The following RPH3A variants were observed in gnomAD, a reference collection of about 807,000 sequenced individuals.
The protein encoded by RPH3A is rabphilin 3A.
RPH3A carries 48 observed loss-of-function variants against 102.2 expected under a neutral mutation model. That is an observed-to-expected ratio of 0.47 (90% CI 0.37 to 0.60). The LOEUF (loss-of-function observed/expected upper bound fraction) is 0.60. Among genes scored for constraint, RPH3A ranks in the 20% least tolerant of loss-of-function variants. RPH3A has a pLI of 0.00. For synonymous variants in RPH3A, 310 were observed against 324.3 expected (o/e 0.96, Z 0.47); for missense variants, 781 against 910.1 (o/e 0.86, Z 1.83).
At chr12:112,863,328 G>T (rs2042553254) in intron 5 of RPH3A, among the ~76,000 whole-genome samples, 1 of 152,092 alleles carries the variant, frequency 6.6e-6, no homozygotes, top group African/African-American at 2.4e-5. Context: ...TTTTGTTGTT[G>T]TTTTTTTGAG....
At chr12:112,895,423 A>G (rs567599304) in intron 20 of RPH3A, 1 of 193,414 alleles carries the variant, frequency 5.2e-6, no homozygotes, top group Admixed American at 5.3e-5. Context: ...TTTTATTCCT[A>G]AGCAATAAAA....
intron 10 of RPH3A, among the ~76,000 whole-genome samples, chr12:112,870,341 A>G (rs1162533384): frequency 2.0e-5 from 3 of 151,624 alleles, no homozygotes; most frequent in African/African-American, 4.9e-5. Flanking sequence ...CCTGGGGGAA[A>G]AATGCCCCTA....
intron 1 of RPH3A, among the ~76,000 whole-genome samples, chr12:112,593,189 A>T (rs2039491540): frequency 6.6e-6 from 1 of 152,190 alleles, no homozygotes; most frequent in Non-Finnish European, 1.5e-5. Context: ...CAACGAGAAG[A>T]CAGTCATCTG....
At chr12:112,715,461 G>A (rs1021871610) in intron 1 of RPH3A, among the ~76,000 whole-genome samples, 3 of 152,084 alleles carry the variant, frequency 2.0e-5, no homozygotes, top group East Asian at 1.9e-4. Flanking sequence ...CATAAGAGCC[G>A]GGACTCTCAC....
At chr12:112,711,001 T>C (rs1416746112) in intron 1 of RPH3A, among the ~76,000 whole-genome samples, 1 of 152,058 alleles carries the variant, frequency 6.6e-6, no homozygotes, top group Non-Finnish European at 1.5e-5. Flanking sequence ...GAATGTTATC[T>C]CCAGTTCAGA....
At position 112,752,977 on chromosome 12, in the gene RPH3A, T is replaced by C. The variant is rs866359050; in HGVS notation, c.-139-39166T>C. 4.4e-4 allele frequency among the ~76,000 whole-genome samples: 66 copies of C among 150,450 alleles called. No individual in the cohort carries two copies. In the South Asian group the frequency reaches 0.011, roughly 26 times the overall value. The stretch of plus-strand genomic sequence containing the variant: ...GGTGGTGTCCAGTTTTCTTTTTTTT[T>C]TTTTTTTTTTTGCTGTTGTAAACAG... On this transcript the variant is annotated intron_variant, in intron 1 of 21. Transcript: ENST00000543106.
At chr12:112,799,879 A>G (rs111395551) in intron 2 of RPH3A, among the ~76,000 whole-genome samples, 7,288 of 152,262 alleles carry the variant, frequency 0.048, 592 homozygotes, top group African/African-American at 0.17. Flanking sequence ...ATGGAGCCTA[A>G]GAATTTGCAC....
At chr12:112,696,519 G>A (rs779110446) in intron 1 of RPH3A, among the ~76,000 whole-genome samples, 20 of 152,218 alleles carry the variant, frequency 1.3e-4, no homozygotes, top group Non-Finnish European at 2.8e-4. Flanking sequence ...GGGACCTCTG[G>A]TGGGCCTGAC....
At chr12:112,822,299 C>T (rs2041795073) in intron 2 of RPH3A, among the ~76,000 whole-genome samples, 1 of 152,246 alleles carries the variant, frequency 6.6e-6, no homozygotes, top group Non-Finnish European at 1.5e-5. Context: ...TTGAACTCCA[C>T]GCAGACAGCT....
chr12:112,841,677 TC>T (rs2042147134), intron 4 of RPH3A, among the ~76,000 whole-genome samples: 1 of 151,562 alleles, frequency 6.6e-6, no homozygotes, highest in Admixed American at 6.6e-5. Flanking sequence ...TTGATCTGAA[TC>T]TAAAGCTTGA....
chr12:112,823,378 A>G (rs749273958), intron 2 of RPH3A, among the ~76,000 whole-genome samples: 4 of 152,218 alleles, frequency 2.6e-5, no homozygotes, highest in Non-Finnish European at 5.9e-5. Context: ...TACCTGTAAA[A>G]TGAGGATAAT....
intron 5 of RPH3A, among the ~76,000 whole-genome samples, chr12:112,850,101 C>CAGT (rs1463652696): frequency 2.0e-5 from 3 of 152,164 alleles, no homozygotes; most frequent in Non-Finnish European, 2.9e-5. Context: ...TGGGGTTGCA[C>CAGT]AGTCAGGGAG....
At chr12:112,631,811 A>G (rs191618207) in intron 1 of RPH3A, among the ~76,000 whole-genome samples, 1 of 152,322 alleles carries the variant, frequency 6.6e-6, no homozygotes, top group Non-Finnish European at 1.5e-5. Context: ...GGCATGAGCC[A>G]CTACCCCTGG....
intron 16 of RPH3A, among the ~76,000 whole-genome samples, chr12:112,887,555 G>T (rs564598688): frequency 6.6e-6 from 1 of 152,320 alleles, no homozygotes; most frequent in East Asian, 1.9e-4. Flanking sequence ...AATTACATGG[G>T]TATATACAAA....
intron 1 of RPH3A, among the ~76,000 whole-genome samples, chr12:112,771,732 C>T (rs975475062): frequency 2.0e-5 from 3 of 152,138 alleles, no homozygotes; most frequent in South Asian, 2.1e-4. Flanking sequence ...AATGTGTTAT[C>T]GCATTTCTAA....
chr12:112,704,043 CA>C (rs1385082501), intron 1 of RPH3A, among the ~76,000 whole-genome samples: 27 of 152,016 alleles, frequency 1.8e-4, no homozygotes, highest in Non-Finnish European at 3.4e-4. Flanking sequence ...TGCAGTGAGA[CA>C]CCCCTCTTTT....
At chr12:112,846,950 A>C (rs1374427484) in intron 4 of RPH3A, among the ~76,000 whole-genome samples, 1 of 152,164 alleles carries the variant, frequency 6.6e-6, no homozygotes, top group Admixed American at 6.5e-5. Flanking sequence ...TCCTTGAGCA[A>C]GTGCTCTAAT....
intron 1 of RPH3A, among the ~76,000 whole-genome samples, chr12:112,754,930 T>A (rs1325169092): frequency 6.6e-6 from 1 of 152,224 alleles, no homozygotes; most frequent in Non-Finnish European, 1.5e-5. Flanking sequence ...CTGACATCAG[T>A]ATTTTTTAAA....
chr12:112,755,308 C>T (rs912260066), intron 1 of RPH3A, among the ~76,000 whole-genome samples: 54 of 131,012 alleles, frequency 4.1e-4, no homozygotes, highest in African/African-American at 1.1e-3. Context: ...TACACACACA[C>T]ACACACACAC....
Sources: allele counts gnomAD v4.1 joint callset (sites outside exome capture counted in the v4.1 genomes callset), GRCh38; gene constraint gnomAD v4.1.1; transcripts MANE v1.5; gene names NCBI Gene and HGNC (gene_info 2026-07-23, HGNC 2026-07-21).